The following TMEM132D variants were observed in gnomAD, a reference collection of about 807,000 sequenced individuals.
TMEM132D encodes transmembrane protein 132D, also known as mature OL transmembrane protein.
Under a neutral mutation model 62.3 loss-of-function variants are expected in TMEM132D, and 21 were observed. That is an observed-to-expected ratio of 0.34 (90% CI 0.24 to 0.49). The LOEUF is 0.49. TMEM132D is among the 20% of genes least tolerant of loss of function. The probability of loss-of-function intolerance (pLI) is 0.99; values close to 1 mark genes in which losing one functional copy is unlikely to be tolerated. For synonymous variants in TMEM132D, 621 were observed against 575.6 expected, an observed-to-expected ratio of 1.08 and a Z score of -1.13; for missense variants, 1,346 against 1,402.8, an observed-to-expected ratio of 0.96 and a Z score of 0.65.
chr12:129,600,961 C>T (rs1008104801), intron 2 of TMEM132D, among the ~76,000 whole-genome samples: 3 of 152,190 alleles, frequency 2.0e-5, no homozygotes, highest in Non-Finnish European at 4.4e-5. Flanking sequence ...ACAAGGAAGT[C>T]AGCCTGTCCT....
At chr12:129,705,988 T>C (rs1881497945) in intron 1 of TMEM132D, among the ~76,000 whole-genome samples, 1 of 152,124 alleles carries the variant, frequency 6.6e-6, no homozygotes, top group Non-Finnish European at 1.5e-5. Context: ...ACTATACTTT[T>C]CTGATAACTT....
intron 1 of TMEM132D, among the ~76,000 whole-genome samples, chr12:129,741,457 C>A (rs1202691960): frequency 1.3e-5 from 2 of 152,150 alleles, no homozygotes; most frequent in Non-Finnish European, 2.9e-5. Context: ...TAACCACCTG[C>A]TACTCATGAG....
At chr12:129,420,081 T>C (rs2135710355) in intron 3 of TMEM132D, among the ~76,000 whole-genome samples, 1 of 152,154 alleles carries the variant, frequency 6.6e-6, no homozygotes, top group East Asian at 1.9e-4. Flanking sequence ...GGTACTGAGG[T>C]CCCAGAGGGC....
At chr12:129,220,255 G>A (rs1246093776) in intron 4 of TMEM132D, among the ~76,000 whole-genome samples, 3 of 151,996 alleles carry the variant, frequency 2.0e-5, no homozygotes, top group Non-Finnish European at 4.4e-5. Context: ...TGACTAGAAA[G>A]CTTACAAATC....
chr12:129,532,468 A>T (rs1876257532), intron 2 of TMEM132D, among the ~76,000 whole-genome samples: 1 of 152,226 alleles, frequency 6.6e-6, no homozygotes, highest in Non-Finnish European at 1.5e-5. Context: ...CAGGGCTTTG[A>T]GAAAAAGCAG....
intron 5 of TMEM132D, among the ~76,000 whole-genome samples, chr12:129,195,477 C>A (rs899094664): frequency 5.9e-5 from 9 of 151,968 alleles, no homozygotes; most frequent in African/African-American, 2.2e-4. Context: ...TTAAAAGGAT[C>A]ACTTTGACTC....
At chr12:129,672,795 T>C (rs985656887) in intron 2 of TMEM132D, among the ~76,000 whole-genome samples, 1 of 152,220 alleles carries the variant, frequency 6.6e-6, no homozygotes, top group Non-Finnish European at 1.5e-5. Context: ...TTGTCCAGGC[T>C]GGAGTGCAAT....
At chr12:129,304,159 G>A (rs1193569931) in intron 4 of TMEM132D, among the ~76,000 whole-genome samples, 9 of 152,172 alleles carry the variant, frequency 5.9e-5, no homozygotes, top group Admixed American at 3.9e-4. Context: ...TTCAACCATC[G>A]CAGTCTGTAA....
intron 2 of TMEM132D, among the ~76,000 whole-genome samples, chr12:129,609,091 C>G (rs1016565502): frequency 2.0e-5 from 3 of 152,022 alleles, no homozygotes; most frequent in African/African-American, 7.2e-5. Flanking sequence ...CAGGTGCCCA[C>G]CAACACGCCC....
intron 4 of TMEM132D, among the ~76,000 whole-genome samples, chr12:129,211,334 AAAC>A (rs1390357171): frequency 6.6e-6 from 1 of 152,150 alleles, no homozygotes; most frequent in Non-Finnish European, 1.5e-5. Flanking sequence ...GGTGGATCTA[AAAC>A]AATTGTCATT....
chr12:129,571,082 G>A (rs1877499707), intron 2 of TMEM132D, among the ~76,000 whole-genome samples: 2 of 152,216 alleles, frequency 1.3e-5, no homozygotes, highest in African/African-American at 4.8e-5. Context: ...TATGCCATCT[G>A]AATGTAGCCA....
At chr12:129,594,819 G>A (rs1460369778) in intron 2 of TMEM132D, among the ~76,000 whole-genome samples, 1 of 152,116 alleles carries the variant, frequency 6.6e-6, no homozygotes, top group Non-Finnish European at 1.5e-5. Context: ...ACATAGTAGG[G>A]ACTTCATTAA....
intron 1 of TMEM132D, among the ~76,000 whole-genome samples, chr12:129,874,768 C>T: frequency 7.2e-6 from 1 of 138,050 alleles, no homozygotes; most frequent in African/African-American, 2.7e-5. Flanking sequence ...ATGGCGCAAT[C>T]TCGGCTCACT....
intron 5 of TMEM132D, among the ~76,000 whole-genome samples, chr12:129,128,031 G>A (rs1273153754): frequency 6.6e-6 from 1 of 152,158 alleles, no homozygotes; most frequent in Non-Finnish European, 1.5e-5. Flanking sequence ...CGGGATGTGA[G>A]GCTTTCAGTG....
rs1881354297 is a variant in TMEM132D at position 129,700,292 on chromosome 12, C to T, written c.486G>A (p.Gly162=). 1 of 1,613,648 alleles carries T rather than the reference C, an allele frequency of 6.2e-7. No individual in the cohort carries two copies. The highest frequency in any genetic ancestry group is 8.5e-7 in the Non-Finnish European group (1 of 1,179,986). ...MGRDWDDRSA[G]EKLPCLRVFA... ...AGACCCTCAGGCACGGCAGCTTCTC[C>T]CCGGCGCTGCGGTCGTCCCAGTCTC... is the stretch of plus-strand genomic sequence containing the variant. Residue 162 remains glycine (G), a synonymous_variant, in exon 2 of 9, where the codon GGG becomes GGA. Coordinates refer to ENST00000422113, the MANE Select transcript of TMEM132D (RefSeq NM_133448.3).
chr12:129,659,051 T>G (rs1295081618), intron 2 of TMEM132D, among the ~76,000 whole-genome samples: 2 of 150,360 alleles, frequency 1.3e-5, no homozygotes, highest in Admixed American at 6.6e-5. Flanking sequence ...CAGGTACATA[T>G]AACAATACAT....
rs12316180 is a variant in TMEM132D at position 129,289,566 on chromosome 12, A to G, written c.1299+48068T>C. ...TCTCAATAAAAAAAAAAAAAAAAAG[A>G]AAAAAAAGAAAAAGAAAAGGAAAAG... On this transcript the variant is annotated intron_variant, in intron 4 of 8. Coordinates refer to ENST00000422113, the MANE Select transcript of TMEM132D (RefSeq NM_133448.3). Among the ~76,000 whole-genome samples the G allele has an allele frequency of 1.8e-3, 254 of 144,766 alleles. 1 individual carries two copies. The highest frequency in any genetic ancestry group is 5.6e-3 in the African/African-American group (221 of 39,138). 95.0% of individuals were successfully genotyped at this position (144,766 alleles called of 152,430 possible).
intron 2 of TMEM132D, among the ~76,000 whole-genome samples, chr12:129,540,597 T>C (rs573853425): frequency 6.6e-6 from 1 of 152,192 alleles, no homozygotes; most frequent in South Asian, 2.1e-4. Flanking sequence ...GCAATTCTCA[T>C]GCCTCAGTCT....
chr12:129,488,404 G>A (rs1354493765), intron 3 of TMEM132D, among the ~76,000 whole-genome samples: 2 of 152,130 alleles, frequency 1.3e-5, no homozygotes, highest in Admixed American at 1.3e-4. Context: ...CGGGTGTGGT[G>A]GCTCAGGCCT....
Sources: allele counts gnomAD v4.1 joint callset (sites outside exome capture counted in the v4.1 genomes callset), GRCh38; gene constraint gnomAD v4.1.1; transcripts MANE v1.5; gene names NCBI Gene and HGNC (gene_info 2026-07-23, HGNC 2026-07-21).